The following NPY5R variants were observed in gnomAD, a reference collection of about 807,000 sequenced individuals.
NPY5R encodes neuropeptide Y receptor type 5.
In NPY5R, 21 loss-of-function variants were observed where a neutral mutation model predicts 24.8. The ratio of observed to expected loss-of-function variants is 0.85; its 90% CI spans 0.60 to 1.22. The LOEUF is 1.22. Among genes scored for constraint, NPY5R ranks in the 50% most tolerant of loss-of-function variants. The pLI is 0.00. For missense variants in NPY5R, 481 were observed against 521.3 expected (o/e 0.92, Z 0.75); for synonymous variants, 175 against 183.0 (o/e 0.96, Z 0.35).
chr4:163,349,800 C>A (rs1024539959), intron 3 of NPY5R, among the ~76,000 whole-genome samples: 1 of 151,988 alleles, frequency 6.6e-6, no homozygotes, highest in Non-Finnish European at 1.5e-5. Context: ...CTTGAATTGC[C>A]CTTGGAACGA....
At chr4:163,347,980 T>G (rs1210105248) in intron 3 of NPY5R, among the ~76,000 whole-genome samples, 1 of 152,230 alleles carries the variant, frequency 6.6e-6, no homozygotes, top group Non-Finnish European at 1.5e-5. Context: ...ATGATGACTC[T>G]GTCATCCTGT....
chr4:163,345,083 C>T (rs1050954327), intron 1 of NPY5R: 1 of 152,168 alleles, frequency 6.6e-6, no homozygotes, highest in Non-Finnish European at 1.5e-5. Context: ...AAAAGAATTA[C>T]ATATATTTTA....
At chr4:163,348,234 T>A (rs188506347) in intron 3 of NPY5R, among the ~76,000 whole-genome samples, 96 of 152,332 alleles carry the variant, frequency 6.3e-4, no homozygotes, top group African/African-American at 2.1e-3. Context: ...AGTGGTTTTT[T>A]AACTATATAT....
At chr4:163,350,171 A>T in intron 3 of NPY5R, 94 bp from the exon 4 acceptor site, 2 of 708,704 alleles carry the variant, frequency 2.8e-6, no homozygotes, top group Non-Finnish European at 4.5e-6. Flanking sequence ...ACGGGAGCTG[A>T]TTGTAATATT....
intron 3 of NPY5R, among the ~76,000 whole-genome samples, chr4:163,347,781 G>T (rs561901583): frequency 6.6e-6 from 1 of 152,166 alleles, no homozygotes; most frequent in African/African-American, 2.4e-5. Flanking sequence ...TTTGTACCAG[G>T]TGTTCTTTGT....
chr4:163,348,786 G>T (rs575096103), intron 3 of NPY5R, among the ~76,000 whole-genome samples: 88 of 151,916 alleles, frequency 5.8e-4, no homozygotes, highest in Admixed American at 2.5e-3. Context: ...ATATGTAGAG[G>T]TAAATACGTA....
At chr4:163,348,561 C>T (rs2110863870) in intron 3 of NPY5R, among the ~76,000 whole-genome samples, 1 of 151,706 alleles carries the variant, frequency 6.6e-6, no homozygotes, top group Admixed American at 6.6e-5. Context: ...GAGAGGATTG[C>T]TTGAGTCCAG....
chr4:163,351,241 T>C lies in NPY5R; in HGVS notation c.968T>C (p.Leu323Pro). The C allele has an allele frequency of 6.2e-7, 1 of 1,614,160 alleles. No individual in the cohort carries two copies. Among genetic ancestry groups the C allele is most frequent in the Non-Finnish European group, 8.5e-7 (1 of 1,180,010 alleles). ...AACTTTGGCTCTGTAAGAAGTCAGC[T>C]CTCTTCATCCAGTAAGTTCATACCA... ...PENFGSVRSQLSSSSKFIPGV... is the reference protein window; with the variant it reads ...PENFGSVRSQPSSSSKFIPGV... Residue 323 changes from leucine to proline, a missense_variant, in exon 4 of 4, where the codon CTC (leucine) becomes CCC (proline). By Grantham distance (98) the Leu-to-Pro change is moderately conservative. Coordinates refer to ENST00000338566, the MANE Select transcript of NPY5R (RefSeq NM_006174.4).
chr4:163,351,713 GAATTT>G lies in NPY5R; in HGVS notation c.*109_*113del, dbSNP rs879903947. 2 of 777,428 alleles carry G rather than the reference GAATTT, an allele frequency of 2.6e-6. No homozygotes were observed. The highest frequency in any genetic ancestry group is 3.1e-5 in the South Asian group (1 of 31,886). The allele number at this position is 777,428 out of a possible 1,614,324, so 48.2% of individuals were successfully genotyped here. A position where few individuals can be genotyped will look rare whatever the true frequency, so the allele number is the denominator to read the frequency against. ...AATAAATAGAAATTTTGTTAACATG[GAATTT>G]AATTTATGTGAAAGAGTTCTGGATT... On this transcript the variant is annotated 3_prime_UTR_variant, in exon 4 of 4. Coordinates refer to ENST00000338566, the MANE Select transcript of NPY5R (RefSeq NM_006174.4).
Position 163,351,710 on chromosome 4 carries a change from A to T in NPY5R, c.*99A>T, listed in dbSNP as rs1735506482. On this transcript the variant is annotated 3_prime_UTR_variant, in exon 4 of 4. Coordinates refer to ENST00000338566, the MANE Select transcript of NPY5R (RefSeq NM_006174.4). Reference sequence around the variant, plus strand: ...TATAATAAATAGAAATTTTGTTAACATGGAATTTAATTTATGTGAAAGAGT... The same window carrying T: ...TATAATAAATAGAAATTTTGTTAACTTGGAATTTAATTTATGTGAAAGAGT... 1 of 785,894 alleles carries T rather than the reference A, an allele frequency of 1.3e-6. No individual in the cohort carries two copies. The highest frequency in any genetic ancestry group is 3.1e-5 in the South Asian group (1 of 31,870). 48.7% of individuals were successfully genotyped at this position (785,894 alleles called of 1,614,324 possible).
At position 163,350,373 on chromosome 4, in the gene NPY5R, A is replaced by T; in HGVS notation, c.100A>T (p.Lys34Ter). 6.2e-7 allele frequency: 1 copy of T among 1,613,638 alleles called. No individual in the cohort carries two copies. The highest frequency in any genetic ancestry group is 1.3e-5 in the African/African-American group (1 of 75,016). Residue 34 changes from lysine to a stop codon, truncating the protein, a stop_gained, in exon 4 of 4, where the codon AAA becomes TAA. Coordinates refer to ENST00000338566, the MANE Select transcript of NPY5R (RefSeq NM_006174.4). LOFTEE classifies it high-confidence loss of function. ...TGATTTCCCAGTCTGGGATGACTAT[A>T]AAAGCAGTGTAGATGACTTACAGTA... ...NSDFPVWDDY[K>*]SSVDDLQYFL...
At chr4:163,348,926 G>A (rs147075250) in intron 3 of NPY5R, among the ~76,000 whole-genome samples, 5 of 152,146 alleles carry the variant, frequency 3.3e-5, no homozygotes, top group East Asian at 1.9e-4. Context: ...TCATTGACTC[G>A]TTCATAAGCC....
rs147087846 is a variant in NPY5R at position 163,350,484 on chromosome 4, A to C, written c.211A>C (p.Asn71His). 6.2e-7 allele frequency: 1 copy of C among 1,614,030 alleles called. No homozygotes were observed. The highest frequency in any genetic ancestry group is 1.3e-5 in the African/African-American group (1 of 74,924). The change falls in exon 4 of 4, where the codon AAT (asparagine) becomes CAT (histidine). Residue 71 changes from asparagine to histidine, a missense_variant. Physicochemically the swap from Asn to His is moderately conservative, Grantham distance 68. Transcript: ENST00000338566. ...TTTAATGGCTCTCATGAAAAAGCGTAATCAGAAGACTACGGTAAACTTCCT... is the reference window on the plus strand; with the variant it reads ...TTTAATGGCTCTCATGAAAAAGCGTCATCAGAAGACTACGGTAAACTTCCT... ...LILMALMKKRNQKTTVNFLIG... is the reference protein window; with the variant it reads ...LILMALMKKRHQKTTVNFLIG...
chr4:163,351,021 G>A lies in NPY5R; in HGVS notation c.748G>A (p.Glu250Lys). The change falls in exon 4 of 4, where the codon GAA becomes AAA. Residue 250 changes from glutamate to lysine, a missense_variant. Physicochemically the swap from Glu to Lys is moderately conservative, Grantham distance 56. Coordinates refer to ENST00000338566, the MANE Select transcript of NPY5R (RefSeq NM_006174.4). Reference protein sequence around the residue: ...CGLSNKENRLEENEMINLTLH... With the variant: ...CGLSNKENRLKENEMINLTLH... The stretch of plus-strand genomic sequence containing the variant: ...ATTGTCCAACAAAGAAAACAGACTT[G>A]AAGAAAATGAGATGATCAACTTAAC... 1 of 1,614,130 alleles carries A rather than the reference G, an allele frequency of 6.2e-7. No individual in the cohort carries two copies. The highest frequency in any genetic ancestry group is 8.5e-7 in the Non-Finnish European group (1 of 1,180,030).
chr4:163,348,315 T>G (rs927622972), intron 3 of NPY5R, among the ~76,000 whole-genome samples: 1 of 152,166 alleles, frequency 6.6e-6, no homozygotes, highest in Non-Finnish European at 1.5e-5. Flanking sequence ...TGTAGGAAAT[T>G]CTTGTTAAAA....
chr4:163,344,350 G>C (rs1028545869), intron 1 of NPY5R: 3 of 152,460 alleles, frequency 2.0e-5, no homozygotes, highest in East Asian at 1.9e-4. Flanking sequence ...GAGTGTCGGG[G>C]ATCCGCGAAG....
rs1314450919 is a variant in NPY5R, at chr4:163,351,182, T to C, written c.909T>C (p.Pro303=). Residue 303 remains proline, a synonymous_variant, in exon 4 of 4, where the codon CCT becomes CCC. Coordinates refer to ENST00000338566, the MANE Select transcript of NPY5R (RefSeq NM_006174.4). Reference sequence around the variant, plus strand: ...GTGTGTTACCTGCTCCAGAAAGACCTTCTCAAGAGAACCACTCCAGAATAC... The same window carrying C: ...GTGTGTTACCTGCTCCAGAAAGACCCTCTCAAGAGAACCACTCCAGAATAC... ...TACVLPAPER[P]SQENHSRILP... The C allele has an allele frequency of 6.2e-7, 1 of 1,613,956 alleles. No individual in the cohort carries two copies. Among genetic ancestry groups the C allele is most frequent in the Non-Finnish European group, 8.5e-7 (1 of 1,179,972 alleles).
chr4:163,345,926 T>A (rs1032645159), intron 2 of NPY5R, among the ~76,000 whole-genome samples, 173 bp downstream of exon 2: 1 of 54,440 alleles, frequency 1.8e-5, no homozygotes, highest in African/African-American at 7.0e-5. Flanking sequence ...CCACCACCCC[T>A]CCCCCACCCC....
intron 1 of NPY5R, chr4:163,344,243 GC>G (rs1345037997): frequency 6.6e-6 from 1 of 152,482 alleles, no homozygotes; most frequent in Non-Finnish European, 1.5e-5. Context: ...TGAAGAGACA[GC>G]GGAGAGGGTA....
Sources: gnomAD v4.1 joint callset for allele counts (sites outside exome capture counted in the v4.1 genomes callset) on GRCh38, gnomAD v4.1.1 for gene constraint, MANE v1.5 for transcripts, NCBI Gene and HGNC (gene_info 2026-07-23, HGNC 2026-07-21) for gene names.